ANTXR2: variants seen among roughly 807,000 people sequenced by gnomAD.
ANTXR2 encodes ANTXR cell adhesion molecule 2.
In ANTXR2, 44 loss-of-function variants were observed where a neutral mutation model predicts 73.7. The ratio of observed to expected loss-of-function variants is 0.60; its 90% confidence interval spans 0.47 to 0.77. The LOEUF (loss-of-function observed/expected upper bound fraction) is 0.77. Among genes scored for constraint, ANTXR2 ranks in the 30% least tolerant of loss-of-function variants. The pLI is 0.00. For synonymous variants in ANTXR2, 217 were observed against 205.9 expected, an observed-to-expected ratio of 1.05 and a Z score of -0.46; for missense variants, 604 against 592.5, an observed-to-expected ratio of 1.02 and a Z score of -0.20.
At chr4:80,031,766 G>T (rs1458833191) in intron 9 of ANTXR2, 74 bp from the exon 10 acceptor site, 2 of 846,038 alleles carry the variant, frequency 2.4e-6, no homozygotes, top group African/African-American at 3.6e-5. Flanking sequence ...AATATGAACA[G>T]CATGCTTCAA....
chr4:80,054,162 T>C, intron 7 of ANTXR2, 110 bp downstream of exon 7: 1 of 797,564 alleles, frequency 1.3e-6, no homozygotes. Context: ...TCTTCCTTAA[T>C]CTCTTTCCTC....
At chr4:80,037,110 C>G (rs540079470) in intron 7 of ANTXR2, among the ~76,000 whole-genome samples, 1 of 152,132 alleles carries the variant, frequency 6.6e-6, no homozygotes, top group African/African-American at 2.4e-5. Flanking sequence ...GACAACAATC[C>G]TGTCTTTATT....
chr4:79,907,404 C>T lies in ANTXR2; in HGVS notation c.*25G>A. The T allele has an allele frequency of 6.2e-7, 1 of 1,609,086 alleles. No homozygotes were observed. Among genetic ancestry groups the T allele is most frequent in the South Asian group, 1.1e-5 (1 of 90,458 alleles). Reference sequence around the variant, plus strand: ...TATGTGAAAATGTGCCATCTTCGTACCTTCTTGGTCTTCCTGCTTCCCTTT... The same window carrying T: ...TATGTGAAAATGTGCCATCTTCGTATCTTCTTGGTCTTCCTGCTTCCCTTT... On this transcript the variant is annotated 3_prime_UTR_variant, in exon 17 of 17. Transcript: ENST00000403729.
chr4:80,033,463 G>A lies in ANTXR2; in HGVS notation c.796+9C>T, dbSNP rs113482034. Reference sequence around the variant, plus strand: ...GATTAAGACAACACTGAGATTACTGGGGACCTACTCGTTGTATATGTTTCA... The same window carrying A: ...GATTAAGACAACACTGAGATTACTGAGGACCTACTCGTTGTATATGTTTCA... On this transcript the variant is annotated intron_variant, in intron 9 of 16. Coordinates refer to ENST00000403729, the MANE Select transcript of ANTXR2 (RefSeq NM_058172.6). The A allele has an allele frequency of 1.6e-3, 2,583 of 1,587,854 alleles. 40 individuals are homozygous for A. In the African/African-American group the frequency reaches 0.031, roughly 19 times the overall value.
At position 79,978,172 on chromosome 4, in the gene ANTXR2, A is replaced by G. The variant is rs1307113288; in HGVS notation, c.1182T>C (p.Val394=). Residue 394 remains valine, a splice_region_variant and synonymous_variant, in exon 15 of 17, where the codon GTT becomes GTC. Transcript: ENST00000403729. The part of the protein sequence containing the change: ...RGVGGIKRME[V]RWGDKGSTEE... ...CAGTAGATCCTTTATCACCCCAACG[A>G]ACCTGTAAAACAAAGGGAGAGTACT... 1 of 1,613,628 alleles carries G rather than the reference A, an allele frequency of 6.2e-7. No individual in the cohort carries two copies. The highest frequency in any genetic ancestry group is 8.5e-7 in the Non-Finnish European group (1 of 1,179,724).
intron 3 of ANTXR2, among the ~76,000 whole-genome samples, chr4:80,058,752 A>G (rs1003887098): frequency 2.0e-5 from 3 of 152,060 alleles, no homozygotes; most frequent in Non-Finnish European, 4.4e-5. Context: ...AGGTTATGTT[A>G]TAAAGATAAG....
At chr4:80,061,475 G>A (rs1454404008) in intron 3 of ANTXR2, among the ~76,000 whole-genome samples, 1 of 152,052 alleles carries the variant, frequency 6.6e-6, no homozygotes, top group South Asian at 2.1e-4. Flanking sequence ...ATTAGCCACA[G>A]ACTTAATCTG....
chr4:80,009,587 C>G (rs1043181878), intron 11 of ANTXR2, among the ~76,000 whole-genome samples: 10 of 152,192 alleles, frequency 6.6e-5, no homozygotes, highest in African/African-American at 2.4e-4. Context: ...CAATGGCTCA[C>G]GCCTGTAATC....
intron 10 of ANTXR2, 29 bp from the exon 11 acceptor site, chr4:80,019,005 T>A (rs2110068985): frequency 7.2e-7 from 1 of 1,390,274 alleles, no homozygotes; most frequent in Middle Eastern, 2.1e-4. Flanking sequence ...AATAATTTTA[T>A]ATACATTTAA....
At chr4:79,911,635 A>T (rs1273238756) in intron 16 of ANTXR2, among the ~76,000 whole-genome samples, 2 of 151,982 alleles carry the variant, frequency 1.3e-5, no homozygotes, top group East Asian at 3.8e-4. Context: ...AAATGAATGA[A>T]TGTATAATAT....
intron 3 of ANTXR2, among the ~76,000 whole-genome samples, chr4:80,065,132 T>C (rs144486932): frequency 8.0e-4 from 122 of 152,358 alleles, no homozygotes; most frequent in Non-Finnish European, 1.4e-3. Context: ...TGGTGCATAA[T>C]AATTGTTCAA....
chr4:79,990,032 C>T (rs770701240), intron 12 of ANTXR2, among the ~76,000 whole-genome samples: 7 of 151,786 alleles, frequency 4.6e-5, no homozygotes, highest in Non-Finnish European at 7.4e-5. Flanking sequence ...TTATATTGAA[C>T]AGGCAAAAGA....
intron 16 of ANTXR2, among the ~76,000 whole-genome samples, chr4:79,925,845 T>C (rs886385333): frequency 6.6e-6 from 1 of 152,128 alleles, no homozygotes; most frequent in African/African-American, 2.4e-5. Flanking sequence ...TTTAAGCAAC[T>C]GAAGTCTGAC....
intron 11 of ANTXR2, among the ~76,000 whole-genome samples, chr4:80,016,826 A>G (rs1283046040): frequency 6.6e-6 from 1 of 152,180 alleles, no homozygotes; most frequent in Non-Finnish European, 1.5e-5. Context: ...CTCACATCCC[A>G]CACCTAATCT....
chr4:80,056,873 G>T (rs1415080208), intron 3 of ANTXR2, among the ~76,000 whole-genome samples: 1 of 151,756 alleles, frequency 6.6e-6, no homozygotes, highest in African/African-American at 2.4e-5. Context: ...TTAAAATATA[G>T]ATTTGAAACC....
intron 10 of ANTXR2, among the ~76,000 whole-genome samples, chr4:80,025,058 G>C (rs1020985366): frequency 6.6e-6 from 1 of 152,114 alleles, no homozygotes; most frequent in Non-Finnish European, 1.5e-5. Flanking sequence ...TTTTTTCAAA[G>C]TAGAAGGATA....
chr4:79,976,503 C>A (rs558437805), intron 16 of ANTXR2, among the ~76,000 whole-genome samples: 1 of 152,290 alleles, frequency 6.6e-6, no homozygotes, highest in East Asian at 1.9e-4. Flanking sequence ...ATGACAATGA[C>A]CCGATGACCC....
chr4:79,955,993 C>G (rs1728872230), intron 16 of ANTXR2, among the ~76,000 whole-genome samples: 1 of 152,140 alleles, frequency 6.6e-6, no homozygotes, highest in South Asian at 2.1e-4. Context: ...GTTCATCCCT[C>G]TTGTGCTTTT....
At chr4:79,998,131 G>A (rs1042869621) in intron 12 of ANTXR2, among the ~76,000 whole-genome samples, 3 of 151,874 alleles carry the variant, frequency 2.0e-5, no homozygotes, top group Non-Finnish European at 4.4e-5. Flanking sequence ...AGCTGTTGCT[G>A]GCTAACAAAA....
Sources: allele counts gnomAD v4.1 joint callset (sites outside exome capture counted in the v4.1 genomes callset), GRCh38; gene constraint gnomAD v4.1.1; transcripts MANE v1.5; gene names NCBI Gene and HGNC (gene_info 2026-07-23, HGNC 2026-07-21).